The following IFT57 variants were observed in gnomAD, a reference collection of about 807,000 sequenced individuals.
The protein encoded by IFT57 is intraflagellar transport protein 57 homolog.
Under a neutral mutation model 56.8 loss-of-function variants are expected in IFT57, and 59 were observed. That is an observed-to-expected ratio of 1.04 (90% CI 0.84 to 1.29). The LOEUF is 1.29. Among genes scored for constraint, IFT57 ranks in the 50% most tolerant of loss-of-function variants. The pLI is 0.00. For missense variants in IFT57, 470 were observed against 522.1 expected (o/e 0.90, Z 0.97); for synonymous variants, 209 against 186.1 (o/e 1.12, Z -1.00).
At chr3:108,182,087 C>T (rs1376512519) in intron 6 of IFT57, among the ~76,000 whole-genome samples, 1 of 152,046 alleles carries the variant, frequency 6.6e-6, no homozygotes, top group Non-Finnish European at 1.5e-5. Context: ...TCCTAACTAA[C>T]AACCAGAGTA....
intron 8 of IFT57, among the ~76,000 whole-genome samples, chr3:108,165,821 C>T (rs979555614): frequency 6.6e-6 from 1 of 152,082 alleles, no homozygotes; most frequent in African/African-American, 2.4e-5. Context: ...ATCTAATTTG[C>T]ATGCTCCGCA....
At chr3:108,179,123 T>C (rs898729054) in intron 6 of IFT57, among the ~76,000 whole-genome samples, 2 of 151,884 alleles carry the variant, frequency 1.3e-5, no homozygotes, top group African/African-American at 4.8e-5. Flanking sequence ...CCATACTTTC[T>C]GTAGCTGGGC....
chr3:108,219,678 C>A (rs534636487), intron 1 of IFT57, 106 bp from the exon 2 acceptor site: 4 of 1,169,348 alleles, frequency 3.4e-6, no homozygotes, highest in East Asian at 2.4e-5. Flanking sequence ...TTTCTTCCCC[C>A]CAAATGGCCA....
rs550884331 is a variant in IFT57 at position 108,213,914 on chromosome 3, T to G, written c.585+17A>C. 2.3e-5 allele frequency: 35 copies of G among 1,498,296 alleles called. No homozygotes were observed. The South Asian group carries it at 4.0e-4, about 17-fold the overall frequency. 92.8% of individuals were successfully genotyped at this position (1,498,296 alleles called of 1,614,324 possible). ...CCGAAAGGTGAAAATGAACAGAAAGTTCAGCTACACACATACCACAAATTC... is the reference window on the plus strand; with the variant it reads ...CCGAAAGGTGAAAATGAACAGAAAGGTCAGCTACACACATACCACAAATTC... On this transcript the variant is annotated intron_variant, in intron 4 of 10. Transcript: ENST00000264538.
At chr3:108,206,984 T>C (rs1014330377) in intron 4 of IFT57, among the ~76,000 whole-genome samples, 2 of 152,190 alleles carry the variant, frequency 1.3e-5, no homozygotes, top group South Asian at 2.1e-4. Flanking sequence ...GCCATTGCTA[T>C]AGAACTACAG....
chr3:108,183,495 C>T lies in IFT57; in HGVS notation c.777+8026G>A, dbSNP rs1488190420. ...ACCAGACCAAGCCAAATATCCTCCC[C>T]TCCCTTAACCAGCCAGTCACATATT... is the stretch of plus-strand genomic sequence containing the variant. On this transcript the variant is annotated intron_variant, in intron 6 of 10. Transcript: ENST00000264538. Among the ~76,000 whole-genome samples, 5 of 152,152 alleles carry T rather than the reference C, an allele frequency of 3.3e-5. No homozygotes were observed. In the South Asian group the frequency reaches 8.3e-4, roughly 25 times the overall value.
rs565802425 is a variant in IFT57 at position 108,198,370 on chromosome 3, T to C, written c.655-6727A>G. On this transcript the variant is annotated intron_variant, in intron 5 of 10. Transcript: ENST00000264538. ...GTATTTTATGTTTTTGATTTTCTTG[T>C]CATGCTTAATTATGCCTACTTCAAA... Among the ~76,000 whole-genome samples the C allele has an allele frequency of 6.6e-5, 10 of 152,354 alleles. No homozygotes were observed. In the East Asian group the frequency reaches 1.9e-3, roughly 29 times the overall value.
rs575428810 is a variant in IFT57 at position 108,163,729 on chromosome 3, C to A, written c.1045G>T (p.Val349Phe). The change falls in exon 10 of 11, where the codon GTT becomes TTT. Residue 349 changes from valine (V) to phenylalanine (F), a missense_variant and splice_region_variant. Coordinates refer to ENST00000264538, the MANE Select transcript of IFT57 (RefSeq NM_018010.4). The stretch of plus-strand genomic sequence containing the variant: ...TTTACCTTTTCTAATTCTTCCATAA[C>A]CTTTCATGAAAACAAGTTTTCATGA... Reference protein sequence around the residue: ...VTERTRLLSEVMEELEKVKQE... With the variant: ...VTERTRLLSEFMEELEKVKQE... 1.9e-6 allele frequency: 3 copies of A among 1,601,712 alleles called. No homozygotes were observed. Among genetic ancestry groups the A allele is most frequent in the Non-Finnish European group, 2.6e-6 (3 of 1,170,282 alleles).
chr3:108,222,185 G>A lies in IFT57; in HGVS notation c.138C>T (p.Asp46=), dbSNP rs759269709. The A allele has an allele frequency of 2.5e-6, 4 of 1,613,976 alleles. No homozygotes were observed. Among genetic ancestry groups the A allele is most frequent in the African/African-American group, 1.3e-5 (1 of 74,916 alleles). Residue 46 remains aspartate, a synonymous_variant, in exon 1 of 11, where the codon GAC becomes GAT. Coordinates refer to ENST00000264538, the MANE Select transcript of IFT57 (RefSeq NM_018010.4). The part of the protein sequence containing the change: ...AAYHMFVVME[D]LVEKLKLLRY... ...GGAGCAGCTTCAGCTTCTCCACCAA[G>A]TCCTCCATCACCACGAACATGTGGT... is the stretch of plus-strand genomic sequence containing the variant.
chr3:108,177,261 C>T (rs62262371), intron 6 of IFT57, among the ~76,000 whole-genome samples: 35,838 of 151,520 alleles, frequency 0.24, 5,831 homozygotes, highest in Non-Finnish European at 0.34. Context: ...CCCCAGATGG[C>T]TTCATTATCT....
chr3:108,162,320 G>T lies in IFT57; in HGVS notation c.*157C>A. The stretch of plus-strand genomic sequence containing the variant: ...TATTAAACATTACATTCAGTGTAAA[G>T]GCTTTAACCATCATAATCACCATGA... On this transcript the variant is annotated 3_prime_UTR_variant, in exon 11 of 11. Coordinates refer to ENST00000264538, the MANE Select transcript of IFT57 (RefSeq NM_018010.4). The T allele has an allele frequency of 1.9e-6, 1 of 516,692 alleles. No individual in the cohort carries two copies. The highest frequency in any genetic ancestry group is 3.4e-6 in the Non-Finnish European group (1 of 297,498). The allele number at this position is 516,692 out of a possible 1,614,324, so 32.0% of individuals were successfully genotyped here.
chr3:108,164,385 T>C (rs9814678), intron 9 of IFT57, among the ~76,000 whole-genome samples: 14,631 of 152,080 alleles, frequency 0.096, 764 homozygotes, highest in Middle Eastern at 0.12. Context: ...TAGAAAATAC[T>C]ATCTTTAAGA....
At chr3:108,221,731 C>A (rs2080406668) in intron 1 of IFT57, among the ~76,000 whole-genome samples, 1 of 151,760 alleles carries the variant, frequency 6.6e-6, no homozygotes, top group Admixed American at 6.6e-5. Flanking sequence ...GAATTTTGGA[C>A]GGTCTTATAA....
At chr3:108,183,239 T>G (rs1188309383) in intron 6 of IFT57, among the ~76,000 whole-genome samples, 1 of 152,122 alleles carries the variant, frequency 6.6e-6, no homozygotes, top group Non-Finnish European at 1.5e-5. Flanking sequence ...TTGATGACTT[T>G]AGAAGCCACT....
intron 6 of IFT57, among the ~76,000 whole-genome samples, chr3:108,181,509 C>T (rs189169639): frequency 1.3e-5 from 2 of 152,026 alleles, no homozygotes; most frequent in Admixed American, 1.3e-4. Flanking sequence ...GTGAATAGTT[C>T]CCCTCGTTCT....
At position 108,163,723 on chromosome 3, in the gene IFT57, C is replaced by T; in HGVS notation, c.1051G>A (p.Glu351Lys). The change falls in exon 10 of 11, where the codon GAA (glutamate) becomes AAA (lysine). Residue 351 changes from glutamate (E) to lysine (K), a missense_variant. By Grantham distance (56) the Glu-to-Lys change is moderately conservative. Transcript: ENST00000264538. ...ERTRLLSEVM[E>K]ELEKVKQEME... ...TCTTGTTTTACCTTTTCTAATTCTTCCATAACCTTTCATGAAAACAAGTTT... is the reference window on the plus strand; with the variant it reads ...TCTTGTTTTACCTTTTCTAATTCTTTCATAACCTTTCATGAAAACAAGTTT... 6.2e-7 allele frequency: 1 copy of T among 1,605,416 alleles called. No individual in the cohort carries two copies. The highest frequency in any genetic ancestry group is 8.5e-7 in the Non-Finnish European group (1 of 1,173,344).
intron 3 of IFT57, among the ~76,000 whole-genome samples, chr3:108,217,159 C>T (rs1194040886): frequency 6.6e-6 from 1 of 152,092 alleles, no homozygotes; most frequent in African/African-American, 2.4e-5. Flanking sequence ...ATTTCACTAA[C>T]TTGATCATTG....
At chr3:108,175,270 T>C (rs9844911) in intron 6 of IFT57, among the ~76,000 whole-genome samples, 14,622 of 151,792 alleles carry the variant, frequency 0.096, 764 homozygotes, top group Middle Eastern at 0.12. Flanking sequence ...TCTCTCTCAA[T>C]GGAATTGAGA....
intron 5 of IFT57, 100 bp from the exon 6 acceptor site, chr3:108,191,743 G>A: frequency 3.1e-6 from 2 of 638,068 alleles, no homozygotes; most frequent in Non-Finnish European, 2.4e-6. Context: ...TCAAGAATTG[G>A]TAGTGTTAAA....
Sources: gnomAD v4.1 joint callset for allele counts (sites outside exome capture counted in the v4.1 genomes callset) on GRCh38, gnomAD v4.1.1 for gene constraint, MANE v1.5 for transcripts, NCBI Gene and HGNC (gene_info 2026-07-23, HGNC 2026-07-21) for gene names.